The following SPATA31H1 variants were observed in gnomAD, a reference collection of about 807,000 sequenced individuals.
SPATA31H1 encodes spermatogenesis-associated protein 31H1.
the SPATA31H1 span, among the ~76,000 whole-genome samples, chr2:27,558,751 A>G: frequency 6.0e-5 from 5 of 83,810 alleles, no homozygotes; most frequent in Non-Finnish European, 9.7e-5. Flanking sequence ...AAAACCGAAA[A>G]CCAGTCAGGC....
At chr2:27,575,749 T>C in the SPATA31H1 span, 1 of 398,452 alleles carries the variant, frequency 2.5e-6, no homozygotes, top group African/African-American at 2.1e-5. This position sits in a 1 kb window ranked among gnomAD's most constrained non-coding sequence, Gnocchi z 4.1. Flanking sequence ...CTTCAGTGTA[T>C]AAGTTCTAAT....
chr2:27,570,436 C>T, the SPATA31H1 span: 15 of 398,756 alleles, frequency 3.8e-5, no homozygotes, highest in South Asian at 1.3e-4. Flanking sequence ...GTCAATTCTG[C>T]GGATCAAACT....
At chr2:27,540,009 C>CG in the SPATA31H1 span, among the ~76,000 whole-genome samples, 1 of 125,056 alleles carries the variant, frequency 8.0e-6, no homozygotes, top group African/African-American at 3.2e-5. Flanking sequence ...GCTGGCCGGG[C>CG]GGGGGGCTGA....
At chr2:27,562,886 CAAA>C in the SPATA31H1 span, among the ~76,000 whole-genome samples, 2 of 123,916 alleles carry the variant, frequency 1.6e-5, no homozygotes, top group African/African-American at 3.0e-5. Context: ...GATTCTGTCT[CAAA>C]AAAAAAAAAA....
chr2:27,580,181 C>A, the SPATA31H1 span: 17 of 1,614,064 alleles, frequency 1.1e-5, no homozygotes, highest in Non-Finnish European at 1.4e-5. Context: ...AAGCTAAAAT[C>A]TATACTCAAG....
At chr2:27,580,206 A>G in the SPATA31H1 span, 102 of 1,614,056 alleles carry the variant, frequency 6.3e-5, no homozygotes, top group Non-Finnish European at 8.4e-5. Context: ...CAAGAGTCCT[A>G]CTTCCACAAT....
the SPATA31H1 span, among the ~76,000 whole-genome samples, chr2:27,548,574 C>T: frequency 6.7e-6 from 1 of 149,398 alleles, no homozygotes; most frequent in African/African-American, 2.5e-5. Context: ...CTCCACAGCA[C>T]TCCAGCTTGG....
At chr2:27,542,650 C>G in the SPATA31H1 span, among the ~76,000 whole-genome samples, 1 of 151,774 alleles carries the variant, frequency 6.6e-6, no homozygotes, top group African/African-American at 2.4e-5. Context: ...AGGTCCTTTC[C>G]ATTTTTTTCT....
chr2:27,550,673 C>T, the SPATA31H1 span, among the ~76,000 whole-genome samples: 1 of 151,812 alleles, frequency 6.6e-6, no homozygotes, highest in Admixed American at 6.6e-5. Context: ...CCTGCCTTGA[C>T]ATCCCAAAGT....
At chr2:27,581,316 C>T in the SPATA31H1 span, 38 of 1,613,972 alleles carry the variant, frequency 2.4e-5, no homozygotes, top group Non-Finnish European at 3.0e-5. Flanking sequence ...GGAGAGAAGA[C>T]ATCACAGTCC....
chr2:27,549,072 C>CAAAAAA, the SPATA31H1 span, among the ~76,000 whole-genome samples: 25 of 53,018 alleles, frequency 4.7e-4, no homozygotes, highest in East Asian at 5.8e-4. Context: ...GACTCCGTCT[C>CAAAAAA]AAAAAAAAAA....
At chr2:27,578,652 C>G in the SPATA31H1 span, 1 of 1,614,136 alleles carries the variant, frequency 6.2e-7, no homozygotes, top group Non-Finnish European at 8.5e-7. Context: ...AAAAACAGAG[C>G]CTCCTAAAGT....
At chr2:27,540,877 C>A in the SPATA31H1 span, among the ~76,000 whole-genome samples, 2 of 100,518 alleles carry the variant, frequency 2.0e-5, no homozygotes, top group South Asian at 3.7e-4. Context: ...GGATGGCGGC[C>A]GGGCAGAGAC....
chr2:27,552,587 T>C, the SPATA31H1 span, among the ~76,000 whole-genome samples: 1 of 152,070 alleles, frequency 6.6e-6, no homozygotes, highest in Non-Finnish European at 1.5e-5. Flanking sequence ...TAATTCCATA[T>C]GAATTTTAGG....
At chr2:27,543,483 C>A in the SPATA31H1 span, among the ~76,000 whole-genome samples, 1 of 104,712 alleles carries the variant, frequency 9.6e-6, no homozygotes. Context: ...TGAGAAATGG[C>A]AAGGGCTTTT....
the SPATA31H1 span, chr2:27,565,440 C>A: frequency 4.2e-6 from 3 of 716,796 alleles, no homozygotes; most frequent in South Asian, 4.5e-5. Context: ...AATTGTGGGT[C>A]AGCCTTATGA....
At chr2:27,549,528 G>T in the SPATA31H1 span, among the ~76,000 whole-genome samples, 3 of 151,700 alleles carry the variant, frequency 2.0e-5, no homozygotes, top group Non-Finnish European at 2.9e-5. Context: ...TTCTGTGGAG[G>T]CCAGGTGTGG....
At chr2:27,543,187 T>G in the SPATA31H1 span, among the ~76,000 whole-genome samples, 3 of 152,188 alleles carry the variant, frequency 2.0e-5, no homozygotes, top group Admixed American at 6.5e-5. Context: ...TTCTGTGTAC[T>G]CTATTGCCTG....
chr2:27,544,529 A>ATT, the SPATA31H1 span, among the ~76,000 whole-genome samples: 1,206 of 125,082 alleles, frequency 9.6e-3, 28 homozygotes, highest in Non-Finnish European at 0.014. Context: ...GTTGACAACA[A>ATT]TTTTTTTTTT....
Sources: gnomAD v4.1 joint callset for allele counts (sites outside exome capture counted in the v4.1 genomes callset) on GRCh38, gnomAD v4.1.1 for gene constraint, Gnocchi (gnomAD v3.1) non-coding constraint, MANE v1.5 for transcripts, NCBI Gene and HGNC (gene_info 2026-07-23, HGNC 2026-07-21) for gene names.